The following SPATA17 variants were observed in gnomAD, a reference collection of about 807,000 sequenced individuals.
SPATA17 encodes spermatogenesis associated 17.
In SPATA17, 53 loss-of-function variants were observed where a neutral mutation model predicts 62.2. The observed-to-expected ratio is 0.85, with a 90% CI of 0.68 to 1.07. The LOEUF is 1.07. SPATA17 is among the 50% of genes least tolerant of loss of function. The pLI is 0.00. For missense variants in SPATA17, 466 were observed against 425.5 expected, an observed-to-expected ratio of 1.10 and a Z score of -0.84; for synonymous variants, 146 against 146.8, an observed-to-expected ratio of 0.99 and a Z score of 0.04.
intron 6 of SPATA17, among the ~76,000 whole-genome samples, chr1:217,760,606 C>T (rs1673149527): frequency 6.6e-6 from 1 of 152,196 alleles, no homozygotes; most frequent in East Asian, 1.9e-4. Flanking sequence ...AAAATGGCTT[C>T]TTCCTTCTTC....
intron 9 of SPATA17, among the ~76,000 whole-genome samples, chr1:217,831,499 A>G (rs1389034950): frequency 6.6e-6 from 1 of 152,156 alleles, no homozygotes; most frequent in African/African-American, 2.4e-5. Context: ...TTCCTTAGGA[A>G]TGCCTCTCCT....
At chr1:217,636,809 T>C (rs989497816) in intron 1 of SPATA17, among the ~76,000 whole-genome samples, 13 of 152,206 alleles carry the variant, frequency 8.5e-5, no homozygotes, top group Non-Finnish European at 1.5e-5. Flanking sequence ...ATCTTTTAAC[T>C]TTTTGGTGCC....
chr1:217,777,492 C>G (rs1558046705), intron 7 of SPATA17, among the ~76,000 whole-genome samples: 1 of 152,024 alleles, frequency 6.6e-6, no homozygotes, highest in African/African-American at 2.4e-5. Flanking sequence ...ACTTCTGCCT[C>G]CCTGGTTCAA....
chr1:217,787,486 G>T (rs963835327), intron 8 of SPATA17, among the ~76,000 whole-genome samples: 1 of 151,788 alleles, frequency 6.6e-6, no homozygotes, highest in African/African-American at 2.4e-5. Context: ...TATGTCCCTG[G>T]TTCTCTCTTG....
intron 6 of SPATA17, among the ~76,000 whole-genome samples, chr1:217,747,198 T>C (rs1357498656): frequency 1.3e-5 from 2 of 152,126 alleles, no homozygotes; most frequent in African/African-American, 4.8e-5. Context: ...ATTGATTATT[T>C]AATAAAGTTA....
At position 217,727,247 on chromosome 1, in the gene SPATA17, CAATAAT is replaced by C. The variant is rs59885913; in HGVS notation, c.396-14692_396-14687del. 2.6e-3 allele frequency among the ~76,000 whole-genome samples: 347 copies of C among 132,770 alleles called. 1 individual carries two copies. Among genetic ancestry groups the C allele is most frequent in the South Asian group, 0.019 (79 of 4,236 alleles). The allele number at this position is 132,770 out of a possible 152,430, so 87.1% of individuals were successfully genotyped here. On this transcript the variant is annotated intron_variant, in intron 5 of 10. Transcript: ENST00000366933. ...GGGCAACAAGAGCAAAACTCCGTCTCAATAATAATAATAATAATAATAATAATAATA... is the reference window on the plus strand; with the variant it reads ...GGGCAACAAGAGCAAAACTCCGTCTCAATAATAATAATAATAATAATAATA...
At position 217,655,110 on chromosome 1, in the gene SPATA17, T is replaced by C. The variant is rs191802809; in HGVS notation, c.240+3932T>C. On this transcript the variant is annotated intron_variant, in intron 3 of 10. Coordinates refer to ENST00000366933, the MANE Select transcript of SPATA17 (RefSeq NM_138796.4). ...ATTCATATTTTACTGATTGTACCAG[T>C]AATGTCATTTATAGCAAAAAATCTT... Among the ~76,000 whole-genome samples the C allele has an allele frequency of 3.3e-5, 5 of 152,348 alleles. No homozygotes were observed. In the East Asian group the frequency reaches 9.6e-4, roughly 29 times the overall value.
At chr1:217,816,865 A>G (rs529410730) in intron 9 of SPATA17, among the ~76,000 whole-genome samples, 1 of 152,180 alleles carries the variant, frequency 6.6e-6, no homozygotes, top group South Asian at 2.1e-4. Context: ...TCTCTAGTTT[A>G]TAAAGTGTTA....
At chr1:217,724,616 A>G (rs1266033385) in intron 5 of SPATA17, among the ~76,000 whole-genome samples, 1 of 152,146 alleles carries the variant, frequency 6.6e-6, no homozygotes, top group Middle Eastern at 3.2e-3. Context: ...AAATAAAAAT[A>G]AATTGTCTAA....
At chr1:217,685,365 T>A (rs1671193516) in intron 5 of SPATA17, among the ~76,000 whole-genome samples, 1 of 152,212 alleles carries the variant, frequency 6.6e-6, no homozygotes, top group African/African-American at 2.4e-5. Context: ...ATTTGACAGA[T>A]ATTTCCAGTA....
Position 217,854,225 on chromosome 1 carries a change from G to A in SPATA17, c.1006-8549G>A, listed in dbSNP as rs561503200. Among the ~76,000 whole-genome samples the A allele has an allele frequency of 1.2e-4, 18 of 152,230 alleles. No homozygotes were observed. The South Asian group carries it at 1.5e-3, about 12-fold the overall frequency. Reference sequence around the variant, plus strand: ...AATTGTTACAGGCACATACTCTTACGTCAGGTTTTCAATCTTGTCTACCTA... The same window carrying A: ...AATTGTTACAGGCACATACTCTTACATCAGGTTTTCAATCTTGTCTACCTA... On this transcript the variant is annotated intron_variant, in intron 9 of 10. Coordinates refer to ENST00000366933, the MANE Select transcript of SPATA17 (RefSeq NM_138796.4).
rs192790270 is a variant in SPATA17 at position 217,798,253 on chromosome 1, G to A, written c.873-3465G>A. ...ATTAGAAGTAAACTACTACTTGAACGTATGATGTTCAATTACTCAAATATT... is the reference window on the plus strand; with the variant it reads ...ATTAGAAGTAAACTACTACTTGAACATATGATGTTCAATTACTCAAATATT... On this transcript the variant is annotated intron_variant, in intron 8 of 10. Coordinates refer to ENST00000366933, the MANE Select transcript of SPATA17 (RefSeq NM_138796.4). 4.1e-4 allele frequency among the ~76,000 whole-genome samples: 62 copies of A among 152,174 alleles called. 1 individual carries two copies. The highest frequency in any genetic ancestry group is 1.4e-3 in the Admixed American group (21 of 15,284).
At chr1:217,741,435 C>T (rs1672623092) in intron 5 of SPATA17, among the ~76,000 whole-genome samples, 1 of 152,030 alleles carries the variant, frequency 6.6e-6, no homozygotes, top group Non-Finnish European at 1.5e-5. Context: ...AAATGTCAAC[C>T]TTTGAAGTGC....
intron 5 of SPATA17, among the ~76,000 whole-genome samples, chr1:217,685,581 A>G (rs921673899): frequency 2.6e-4 from 40 of 152,274 alleles, no homozygotes; most frequent in East Asian, 1.9e-4. Flanking sequence ...AAATAATTAT[A>G]TAGGATGTTT....
intron 4 of SPATA17, among the ~76,000 whole-genome samples, chr1:217,672,667 A>T (rs182492850): frequency 2.6e-4 from 40 of 152,254 alleles, no homozygotes; most frequent in African/African-American, 9.2e-4. Context: ...ATTTTCTTTT[A>T]TGTAATATTT....
chr1:217,838,772 T>C (rs1248194311), intron 9 of SPATA17, among the ~76,000 whole-genome samples: 1 of 152,106 alleles, frequency 6.6e-6, no homozygotes, highest in Non-Finnish European at 1.5e-5. Context: ...GATAAGATTA[T>C]AGTTCTATAT....
At chr1:217,746,295 G>T (rs1306237448) in intron 6 of SPATA17, among the ~76,000 whole-genome samples, 1 of 151,862 alleles carries the variant, frequency 6.6e-6, no homozygotes, top group Non-Finnish European at 1.5e-5. Flanking sequence ...TTATTGATCT[G>T]CTTAAAAGGA....
At chr1:217,637,030 A>T (rs957743201) in intron 1 of SPATA17, among the ~76,000 whole-genome samples, 4 of 152,192 alleles carry the variant, frequency 2.6e-5, no homozygotes, top group African/African-American at 4.8e-5. Flanking sequence ...GAGGGCAAGA[A>T]GTTCTCTAGA....
chr1:217,859,401 G>T (rs141569751), intron 9 of SPATA17, among the ~76,000 whole-genome samples: 9 of 150,850 alleles, frequency 6.0e-5, no homozygotes, highest in Non-Finnish European at 1.2e-4. Flanking sequence ...AAGAGAAGGG[G>T]TCTTGCTACG....
Sources: allele counts gnomAD v4.1 joint callset (sites outside exome capture counted in the v4.1 genomes callset), GRCh38; gene constraint gnomAD v4.1.1; transcripts MANE v1.5; gene names NCBI Gene and HGNC (gene_info 2026-07-23, HGNC 2026-07-21).